The following GRIA3 variants were observed in gnomAD, a reference collection of about 807,000 sequenced individuals.
GRIA3 encodes the protein glutamate receptor 3.
Under a neutral mutation model 63.0 loss-of-function variants are expected in GRIA3, and 3 were observed. That is an observed-to-expected ratio of 0.05 (90% confidence interval 0.02 to 0.12). The LOEUF is 0.12. GRIA3 is among the 10% of genes least tolerant of loss of function. The probability of loss-of-function intolerance (pLI) is 1.00; values close to 1 mark genes in which losing one functional copy is unlikely to be tolerated. For synonymous variants in GRIA3, 274 were observed against 257.9 expected, an observed-to-expected ratio of 1.06 and a Z score of -0.60; for missense variants, 347 against 700.9, an observed-to-expected ratio of 0.50 and a Z score of 5.70.
intron 5 of GRIA3, among the ~76,000 whole-genome samples, chrX:123,355,637 A>G (rs149487030): frequency 2.3e-3 from 257 of 111,908 alleles, no homozygotes; most frequent in Non-Finnish European, 4.4e-3. Flanking sequence ...GAATAATACC[A>G]TCTCCATGAA....
chrX:123,427,349 A>G (rs2068805677), intron 11 of GRIA3, among the ~76,000 whole-genome samples: 1 of 109,159 alleles, frequency 9.2e-6, no homozygotes, highest in South Asian at 4.0e-4. Context: ...TCTGTGTCCT[A>G]CCTCCCAAGT....
chrX:123,379,320 C>G (rs1274489763), intron 5 of GRIA3, among the ~76,000 whole-genome samples: 3 of 111,561 alleles, frequency 2.7e-5, no homozygotes, highest in African/African-American at 9.8e-5. Context: ...ATATAAACAC[C>G]ATGAGGGTTT....
intron 3 of GRIA3, among the ~76,000 whole-genome samples, chrX:123,279,632 T>C (rs1181915522): frequency 8.9e-6 from 1 of 111,745 alleles, no homozygotes; most frequent in African/African-American, 3.3e-5. Context: ...TACAGAAGTA[T>C]GCAAGGTGAA....
intron 3 of GRIA3, among the ~76,000 whole-genome samples, chrX:123,292,977 C>T (rs1172000204): frequency 9.0e-6 from 1 of 110,928 alleles, no homozygotes; most frequent in African/African-American, 3.3e-5. Flanking sequence ...ATTAGTTTAT[C>T]TGGTTGGCCT....
chrX:123,468,598 A>G (rs1428072638), intron 13 of GRIA3, among the ~76,000 whole-genome samples: 2 of 112,701 alleles, frequency 1.8e-5, no homozygotes, highest in Non-Finnish European at 3.8e-5. Context: ...GCAATGTTTT[A>G]TAGTCAGTTT....
intron 3 of GRIA3, among the ~76,000 whole-genome samples, chrX:123,317,041 C>T (rs1018555259): frequency 1.8e-5 from 2 of 111,013 alleles, no homozygotes; most frequent in Non-Finnish European, 1.9e-5. Flanking sequence ...AGAATTATGG[C>T]GGGAGGCAAA....
intron 3 of GRIA3, among the ~76,000 whole-genome samples, chrX:123,310,489 C>G (rs2044782685): frequency 8.9e-6 from 1 of 112,974 alleles, no homozygotes; most frequent in African/African-American, 3.2e-5. Flanking sequence ...CCATCAATGG[C>G]AAAGAAGACT....
At chrX:123,410,754 G>A (rs886243088) in intron 10 of GRIA3, among the ~76,000 whole-genome samples, 2 of 111,754 alleles carry the variant, frequency 1.8e-5, no homozygotes, top group East Asian at 5.6e-4. Flanking sequence ...TAACCTCCAG[G>A]AAGGAGCATT....
At chrX:123,292,622 G>A (rs1445020248) in intron 3 of GRIA3, among the ~76,000 whole-genome samples, 1 of 111,314 alleles carries the variant, frequency 9.0e-6, no homozygotes, top group Non-Finnish European at 1.9e-5. Context: ...ACAAAAGAAC[G>A]AGTCTTTGCT....
intron 5 of GRIA3, among the ~76,000 whole-genome samples, chrX:123,387,662 A>C (rs955629035): frequency 3.6e-5 from 4 of 112,100 alleles, no homozygotes; most frequent in Non-Finnish European, 7.5e-5. Flanking sequence ...ACTTTTACCC[A>C]GTGATTTTTC....
At chrX:123,322,784 G>T (rs2044876885) in intron 3 of GRIA3, among the ~76,000 whole-genome samples, 1 of 111,918 alleles carries the variant, frequency 8.9e-6, no homozygotes, top group African/African-American at 3.2e-5. Flanking sequence ...AAAAGACACT[G>T]CAGTATTCAG....
intron 12 of GRIA3, among the ~76,000 whole-genome samples, chrX:123,436,309 G>GTTTTTT (rs752538238): frequency 3.6e-5 from 4 of 111,278 alleles, no homozygotes; most frequent in African/African-American, 1.3e-4. Context: ...TTTGTTTTTT[G>GTTTTTT]TTTTTGTTTG....
intron 11 of GRIA3, among the ~76,000 whole-genome samples, chrX:123,421,081 C>T (rs2045562168): frequency 9.1e-6 from 1 of 110,255 alleles, no homozygotes; most frequent in Non-Finnish European, 1.9e-5. Flanking sequence ...ACAATTCAAC[C>T]CAGAAATAGG....
At position 123,305,852 on chromosome X, in the gene GRIA3, C is replaced by A. The variant is rs748412785; in HGVS notation, c.509-20174C>A. Among the ~76,000 whole-genome samples the A allele has an allele frequency of 3.6e-5, 4 of 111,831 alleles. No individual in the cohort carries two copies. The East Asian group carries it at 1.1e-3, about 32-fold the overall frequency. On this transcript the variant is annotated intron_variant, in intron 3 of 15. Transcript: ENST00000620443. ...CTATTCGAACCTTGGATTCCCTGTC[C>A]CCGTTGCAAATAATTGAGAAAAGTA...
At chrX:123,444,237 C>G (rs1006029249) in intron 12 of GRIA3, among the ~76,000 whole-genome samples, 2 of 111,005 alleles carry the variant, frequency 1.8e-5, no homozygotes, top group African/African-American at 3.3e-5. Flanking sequence ...TTCAGAGAGC[C>G]TCATGCCTCC....
chrX:123,273,430 C>A (rs1472366603), intron 3 of GRIA3, among the ~76,000 whole-genome samples: 1 of 111,973 alleles, frequency 8.9e-6, no homozygotes, highest in African/African-American at 3.2e-5. Flanking sequence ...ATCATTTTCC[C>A]AGCCTTAAAA....
intron 3 of GRIA3, among the ~76,000 whole-genome samples, chrX:123,325,387 G>C (rs1229250245): frequency 8.9e-6 from 1 of 111,812 alleles, no homozygotes; most frequent in Non-Finnish European, 1.9e-5. Flanking sequence ...TAGATAAAAA[G>C]GAACCAGGAA....
At chrX:123,309,613 T>C (rs1344098929) in intron 3 of GRIA3, among the ~76,000 whole-genome samples, 2 of 112,117 alleles carry the variant, frequency 1.8e-5, no homozygotes, top group Non-Finnish European at 1.9e-5. Flanking sequence ...AGCATTATGA[T>C]TTTGTGGTTT....
At chrX:123,294,417 G>A (rs1391234483) in intron 3 of GRIA3, among the ~76,000 whole-genome samples, 1 of 111,494 alleles carries the variant, frequency 9.0e-6, no homozygotes, top group Non-Finnish European at 1.9e-5. Flanking sequence ...CTTTTAAAGA[G>A]TAACCTGATA....
Sources: allele counts gnomAD v4.1 joint callset (sites outside exome capture counted in the v4.1 genomes callset), GRCh38; gene constraint gnomAD v4.1.1; transcripts MANE v1.5; gene names NCBI Gene and HGNC (gene_info 2026-07-23, HGNC 2026-07-21).